The following LRP6 variants were observed in gnomAD, a reference collection of about 807,000 sequenced individuals.
LRP6 encodes low-density lipoprotein receptor-related protein 6.
In LRP6, 43 loss-of-function variants were observed where a neutral mutation model predicts 184.1. The ratio of observed to expected loss-of-function variants is 0.23; its 90% CI spans 0.18 to 0.30. The LOEUF (loss-of-function observed/expected upper bound fraction) is 0.30, where lower values mean the gene tolerates loss of function less well. LRP6 is among the 10% of genes least tolerant of loss of function. LRP6 has a pLI of 1.00. For missense variants in LRP6, 1,571 were observed against 2,005.3 expected (o/e 0.78, Z 4.14); for synonymous variants, 719 against 684.9 (o/e 1.05, Z -0.78).
At position 12,181,296 on chromosome 12, in the gene LRP6, T is replaced by C. The variant is rs754421238; in HGVS notation, c.1120A>G (p.Ile374Val). The stretch of plus-strand genomic sequence containing the variant: ...CTCACTTCATCATCAGTCCAGTAGA[T>C]GTAGCCTTCCACAGGATCGTAATCT... ...AIDYDPVEGY[I>V]YWTDDEVRAI... The change falls in exon 6 of 23, where the codon ATC (isoleucine) becomes GTC (valine). Residue 374 changes from isoleucine to valine, a missense_variant. By Grantham distance (29) the Ile-to-Val change is conservative (BLOSUM62 3). Transcript: ENST00000261349. 2 of 1,614,056 alleles carry C rather than the reference T, an allele frequency of 1.2e-6. No individual in the cohort carries two copies. Among genetic ancestry groups the C allele is most frequent in the African/African-American group, 1.3e-5 (1 of 74,938 alleles).
intron 2 of LRP6, among the ~76,000 whole-genome samples, chr12:12,205,340 AAAAAAAAAAAAAAAAAG>A (rs1423272510): frequency 2.1e-4 from 30 of 141,554 alleles, no homozygotes; most frequent in African/African-American, 7.4e-4. Flanking sequence ...AAAAAAAAAA[AAAAAAAAAAAAAAAAAG>A]AGGTAATGAG....
intron 2 of LRP6, among the ~76,000 whole-genome samples, chr12:12,239,796 G>A (rs1865014699): frequency 6.6e-6 from 1 of 150,926 alleles, no homozygotes; most frequent in Non-Finnish European, 1.5e-5. Context: ...TTATTAAAAA[G>A]CAAAGCTATT....
At chr12:12,167,592 G>A (rs749840370) in intron 7 of LRP6, among the ~76,000 whole-genome samples, 121 of 151,274 alleles carry the variant, frequency 8.0e-4, no homozygotes, top group Non-Finnish European at 1.6e-3. Context: ...GCAGTGTGCC[G>A]AGATCGCGCC....
At chr12:12,258,313 G>T (rs564816873) in intron 1 of LRP6, among the ~76,000 whole-genome samples, 37 of 152,190 alleles carry the variant, frequency 2.4e-4, no homozygotes, top group African/African-American at 8.9e-4. Context: ...TGTTTCCCAG[G>T]CTGGTCTTGA....
chr12:12,167,098 A>G (rs1165996822), intron 7 of LRP6, among the ~76,000 whole-genome samples: 6 of 152,196 alleles, frequency 3.9e-5, no homozygotes, highest in Non-Finnish European at 8.8e-5. Flanking sequence ...TAGGAAAAAA[A>G]TCTTTAAAAA....
At position 12,177,573 on chromosome 12, in the gene LRP6, G is replaced by C. The variant is rs75298404; in HGVS notation, c.1545+2237C>G. 2.6e-3 allele frequency among the ~76,000 whole-genome samples: 398 copies of C among 152,200 alleles called. 2 individuals are homozygous for C. Among genetic ancestry groups the C allele is most frequent in the African/African-American group, 9.3e-3 (387 of 41,518 alleles). On this transcript the variant is annotated intron_variant, in intron 7 of 22. Coordinates refer to ENST00000261349, the MANE Select transcript of LRP6 (RefSeq NM_002336.3). ...AAGAGCTGCACTCTTTCTTTAGTTT[G>C]CCAAGTATCAGATTTTACATCAACA...
Position 12,121,044 on chromosome 12 carries a change from GCTCCCTCC to G in LRP6, c.*74_*81del. The G allele has an allele frequency of 7.8e-7, 1 of 1,282,314 alleles. No homozygotes were observed. Among genetic ancestry groups the G allele is most frequent in the Non-Finnish European group, 1.1e-6 (1 of 940,538 alleles). The allele number at this position is 1,282,314 out of a possible 1,614,324, so 79.4% of individuals were successfully genotyped here. On this transcript the variant is annotated 3_prime_UTR_variant, in exon 23 of 23. Coordinates refer to ENST00000261349, the MANE Select transcript of LRP6 (RefSeq NM_002336.3). ...TGGTCTGCCTCATCCTTCTCTAATA[GCTCCCTCC>G]CCCCCTCCAGATCTCAACCAAATTT...
At chr12:12,175,512 C>A (rs1225757949) in intron 7 of LRP6, among the ~76,000 whole-genome samples, 2 of 151,864 alleles carry the variant, frequency 1.3e-5, no homozygotes, top group Non-Finnish European at 2.9e-5. Context: ...ACAGTGAAAC[C>A]CCGTCTCTAC....
intron 2 of LRP6, among the ~76,000 whole-genome samples, chr12:12,219,281 T>C (rs1029691762): frequency 6.6e-6 from 1 of 152,186 alleles, no homozygotes; most frequent in Non-Finnish European, 1.5e-5. Flanking sequence ...CTCGGCTCAC[T>C]GCAACCTCCA....
intron 7 of LRP6, among the ~76,000 whole-genome samples, chr12:12,177,296 G>A (rs1863216068): frequency 6.6e-6 from 1 of 152,186 alleles, no homozygotes; most frequent in Non-Finnish European, 1.5e-5. Flanking sequence ...CTAGAAGGGA[G>A]AATGTCACCC....
In LRP6 at chr12:12,130,800, G is replaced by A; in HGVS notation, c.4064C>T (p.Ser1355Leu). 1 of 1,610,684 alleles carries A rather than the reference G, an allele frequency of 6.2e-7. No homozygotes were observed. The highest frequency in any genetic ancestry group is 1.1e-5 in the South Asian group (1 of 90,964). The change falls in exon 19 of 23, where the codon TCA becomes TTA. Residue 1355 changes from serine (S) to leucine (L), a missense_variant. This residue lies in a region of LRP6 where 763 missense variants were observed against 859.5 expected (regional missense o/e 0.89). Coordinates refer to ENST00000261349, the MANE Select transcript of LRP6 (RefSeq NM_002336.3). ...CDHNVDCSDK[S>L]DELDCYPTEE... ...CTACTTACAACAATCCAGTTCATCT[G>A]ACTTGTCACTGCAATCCACATTATG... is the stretch of plus-strand genomic sequence containing the variant.
intron 7 of LRP6, among the ~76,000 whole-genome samples, chr12:12,179,405 G>GATATAGATATAGATATAGATATAGAT (rs201731579): frequency 2.9e-4 from 41 of 140,882 alleles, no homozygotes; most frequent in African/African-American, 1.0e-3. Context: ...TATAGATATA[G>GATATAGATATAGATATAGATATAGAT]ATATAGATAT....
intron 3 of LRP6, among the ~76,000 whole-genome samples, chr12:12,202,354 G>A (rs1204758583): frequency 5.9e-5 from 9 of 152,144 alleles, no homozygotes; most frequent in Non-Finnish European, 8.8e-5. Flanking sequence ...ACCAGCCTGG[G>A]CAACATGGTG....
chr12:12,116,260 A>G lies in LRP6; in HGVS notation c.*4866T>C, dbSNP rs905371393. ...ACCATCGTACCAAAGTCAATGAACA[A>G]GAAACACCAGTTGACTTTAAGACAA... On this transcript the variant is annotated 3_prime_UTR_variant, in exon 23 of 23. Transcript: ENST00000261349. The G allele has an allele frequency of 6.6e-6, 1 of 152,258 alleles. No individual in the cohort carries two copies. The highest frequency in any genetic ancestry group is 1.5e-5 in the Non-Finnish European group (1 of 68,046). The allele number at this position is 152,258 out of a possible 1,614,324, so 9.4% of individuals were successfully genotyped here.
chr12:12,245,356 A>C (rs889749942), intron 1 of LRP6, among the ~76,000 whole-genome samples: 1 of 152,234 alleles, frequency 6.6e-6, no homozygotes, highest in Admixed American at 6.5e-5. Context: ...TCATCTATAT[A>C]AACTTTTACA....
At chr12:12,195,378 T>C (rs1863725226) in intron 3 of LRP6, among the ~76,000 whole-genome samples, 1 of 152,146 alleles carries the variant, frequency 6.6e-6, no homozygotes, top group Non-Finnish European at 1.5e-5. Flanking sequence ...GTCTTTTTGG[T>C]AATAGCCATA....
intron 3 of LRP6, among the ~76,000 whole-genome samples, chr12:12,194,055 C>T (rs1467802225): frequency 1.3e-5 from 2 of 152,008 alleles, no homozygotes; most frequent in Non-Finnish European, 2.9e-5. Flanking sequence ...AAACCAATTA[C>T]TGAAATTCAC....
At chr12:12,249,712 GAAGGAAGGAAGGAAGGAAGGAAAT>G (rs951179953) in intron 1 of LRP6, among the ~76,000 whole-genome samples, 1 of 141,090 alleles carries the variant, frequency 7.1e-6, no homozygotes, top group Non-Finnish European at 1.6e-5. Flanking sequence ...AGGAAGGAAG[GAAGGAAGGAAGGAAGGAAGGAAAT>G]AAATTAATTA....
rs1950026044 is a variant in LRP6, at chr12:12,147,503, G to A, written c.3260C>T (p.Ala1087Val). ...QERSPKIERA[A>V]LDGTEREVLF... ...GACCTCCCGTTCTGTCCCATCCAAAGCAGCCCGTTCAATTTTAGGAGACCT... is the reference window on the plus strand; with the variant it reads ...GACCTCCCGTTCTGTCCCATCCAAAACAGCCCGTTCAATTTTAGGAGACCT... The change falls in exon 15 of 23, where the codon GCT becomes GTT. Residue 1087 changes from alanine to valine, a missense_variant. Coordinates refer to ENST00000261349, the MANE Select transcript of LRP6 (RefSeq NM_002336.3). 1 of 1,613,824 alleles carries A rather than the reference G, an allele frequency of 6.2e-7. No homozygotes were observed. Among genetic ancestry groups the A allele is most frequent in the South Asian group, 1.1e-5 (1 of 91,074 alleles).
Sources: gnomAD v4.1 joint callset for allele counts (sites outside exome capture counted in the v4.1 genomes callset) on GRCh38, gnomAD v4.1.1 for gene constraint, gnomAD v4.1.1 regional missense constraint, MANE v1.5 for transcripts, NCBI Gene and HGNC (gene_info 2026-07-23, HGNC 2026-07-21) for gene names.